The following IFT25 variants were observed in gnomAD, a reference collection of about 807,000 sequenced individuals.
IFT25 encodes the protein intraflagellar transport 25.
At chr1:53,929,424 G>C in the IFT25 span, 1 of 152,118 alleles carries the variant, frequency 6.6e-6, no homozygotes, top group Admixed American at 6.5e-5. Context: ...CCATAATTTT[G>C]CAAGTAGCCC....
At chr1:53,915,402 C>T in the IFT25 span, among the ~76,000 whole-genome samples, 1 of 152,126 alleles carries the variant, frequency 6.6e-6, no homozygotes, top group Admixed American at 6.6e-5. Flanking sequence ...GAGGATCACA[C>T]CTGAATGCAG....
chr1:53,920,409 T>C, the IFT25 span, among the ~76,000 whole-genome samples: 3 of 150,582 alleles, frequency 2.0e-5, no homozygotes, highest in South Asian at 2.1e-4. Context: ...TTTTTTTTTT[T>C]CTAATAAGAG....
At chr1:53,921,689 A>C in the IFT25 span, 20 of 1,612,988 alleles carry the variant, frequency 1.2e-5, no homozygotes, top group Middle Eastern at 3.3e-4. Flanking sequence ...CCTTCTGCAG[A>C]AACGCTATGC....
the IFT25 span, among the ~76,000 whole-genome samples, chr1:53,926,192 T>TGA: frequency 1.3e-5 from 2 of 152,132 alleles, no homozygotes; most frequent in Admixed American, 1.3e-4. Flanking sequence ...GTCGCCTAGA[T>TGA]TGGAGTGTAC....
At chr1:53,915,227 G>A in the IFT25 span, among the ~76,000 whole-genome samples, 16,261 of 152,140 alleles carry the variant, frequency 0.11, 978 homozygotes, top group African/African-American at 0.16. Flanking sequence ...ATGAGCAGAA[G>A]CAAAAAAACC....
chr1:53,928,870 G>C, the IFT25 span: 1 of 157,520 alleles, frequency 6.3e-6, no homozygotes, highest in Admixed American at 6.4e-5. Flanking sequence ...GAGGAGCCAA[G>C]CAAGGTGTTC....
chr1:53,944,764 T>C, the IFT25 span, among the ~76,000 whole-genome samples: 1 of 152,142 alleles, frequency 6.6e-6, no homozygotes, highest in Admixed American at 6.5e-5. Flanking sequence ...ATCCTTTCCA[T>C]TTTTTACAAT....
chr1:53,923,437 T>A, the IFT25 span: 7 of 154,530 alleles, frequency 4.5e-5, no homozygotes, highest in African/African-American at 9.6e-5. Flanking sequence ...AATGGAATGT[T>A]GTCGAAAAAT....
the IFT25 span, chr1:53,939,965 C>G: frequency 7.1e-7 from 1 of 1,406,518 alleles, no homozygotes; most frequent in Non-Finnish European, 1.0e-6. Context: ...CTGTAAACAA[C>G]AAAGTATAGT....
At chr1:53,939,023 G>A in the IFT25 span, among the ~76,000 whole-genome samples, 1 of 135,122 alleles carries the variant, frequency 7.4e-6, no homozygotes, top group African/African-American at 2.9e-5. Context: ...TTGGTGAGCC[G>A]AGATCGTGCC....
At chr1:53,921,353 C>A in the IFT25 span, among the ~76,000 whole-genome samples, 1 of 152,124 alleles carries the variant, frequency 6.6e-6, no homozygotes, top group Admixed American at 6.6e-5. Context: ...AATTAATGCA[C>A]TACGATCTGA....
chr1:53,936,454 A>G, the IFT25 span, among the ~76,000 whole-genome samples: 1 of 152,366 alleles, frequency 6.6e-6, no homozygotes, highest in African/African-American at 2.4e-5. Flanking sequence ...TGTCTCAAAA[A>G]AAATAAAAAA....
At chr1:53,921,941 T>C in the IFT25 span, among the ~76,000 whole-genome samples, 2 of 152,218 alleles carry the variant, frequency 1.3e-5, no homozygotes, top group East Asian at 3.8e-4. Flanking sequence ...CAGCCTTGAT[T>C]TGATGAAAAA....
chr1:53,914,224 G>C, the IFT25 span, among the ~76,000 whole-genome samples: 129 of 152,266 alleles, frequency 8.5e-4, no homozygotes, highest in African/African-American at 2.9e-3. Flanking sequence ...GTTTAATAAA[G>C]TCTCTAGCTT....
At chr1:53,928,761 G>A in the IFT25 span, 1 of 256,364 alleles carries the variant, frequency 3.9e-6, no homozygotes, top group East Asian at 8.2e-5. Context: ...CATTTATGGA[G>A]AGCCTATGAT....
chr1:53,928,801 G>A, the IFT25 span: 2 of 180,098 alleles, frequency 1.1e-5, no homozygotes, highest in African/African-American at 4.7e-5. Context: ...ATTCACTTTT[G>A]ACTACAATCT....
At chr1:53,941,608 GGAT>G in the IFT25 span, among the ~76,000 whole-genome samples, 609 of 152,228 alleles carry the variant, frequency 4.0e-3, 1 homozygote, top group Middle Eastern at 0.01. Context: ...AGTCAGTGTG[GGAT>G]GAACATTGTC....
chr1:53,925,986 C>T, the IFT25 span, among the ~76,000 whole-genome samples: 2 of 149,732 alleles, frequency 1.3e-5, no homozygotes, highest in Non-Finnish European at 3.0e-5. Context: ...CCTGTAATTC[C>T]AGCTACTCAG....
At chr1:53,915,835 G>A in the IFT25 span, among the ~76,000 whole-genome samples, 1 of 152,174 alleles carries the variant, frequency 6.6e-6, no homozygotes, top group Non-Finnish European at 1.5e-5. Context: ...TGGGCAGGTG[G>A]AGAAAAGGCC....
Sources: allele counts gnomAD v4.1 joint callset (sites outside exome capture counted in the v4.1 genomes callset), GRCh38; gene constraint gnomAD v4.1.1; transcripts MANE v1.5; gene names NCBI Gene and HGNC (gene_info 2026-07-23, HGNC 2026-07-21).